Variants in CNTNAP2 observed in about 807,000 individuals in gnomAD.
CNTNAP2 encodes contactin associated protein 2, also known as contactin-associated protein-like 2.
A neutral mutation model predicts 155.2 loss-of-function variants in CNTNAP2; 98 were observed. That is an observed-to-expected ratio of 0.63 (90% CI 0.54 to 0.75). CNTNAP2 has a LOEUF of 0.75. Ranked by LOEUF, CNTNAP2 falls within the 30% of genes least tolerant of loss-of-function variation. The pLI, the probability that CNTNAP2 is intolerant of heterozygous loss-of-function variation, is 0.00. For synonymous variants in CNTNAP2, 651 were observed against 631.2 expected (o/e 1.03, Z -0.47); for missense variants, 1,727 against 1,688.1 (o/e 1.02, Z -0.40).
Position 146,194,486 on chromosome 7 carries a change from A to G in CNTNAP2, c.97+77513A>G, listed in dbSNP as rs183896023. 5.8e-3 allele frequency among the ~76,000 whole-genome samples: 878 copies of G among 152,228 alleles called. 7 individuals carry two copies. Among genetic ancestry groups the G allele is most frequent in the South Asian group, 0.013 (64 of 4,818 alleles). ...GTCACTATCATGAAAATAGCATGGG[A>G]AAGACCTATCCCCGTGAGTCAATTA... is the stretch of plus-strand genomic sequence containing the variant. On this transcript the variant is annotated intron_variant, in intron 1 of 23. Transcript: ENST00000361727.
chr7:147,445,601 T>C (rs1797720977), intron 10 of CNTNAP2, among the ~76,000 whole-genome samples: 1 of 152,210 alleles, frequency 6.6e-6, no homozygotes, highest in African/African-American at 2.4e-5. Flanking sequence ...ATGTTAGTTG[T>C]CATTCTTAGT....
At chr7:146,583,343 A>T (rs1798640961) in intron 1 of CNTNAP2, among the ~76,000 whole-genome samples, 1 of 152,128 alleles carries the variant, frequency 6.6e-6, no homozygotes. Flanking sequence ...TGTTGGAAAC[A>T]CCACTTGAAT....
At chr7:147,317,285 A>T (rs1795248917) in intron 9 of CNTNAP2, among the ~76,000 whole-genome samples, 1 of 152,138 alleles carries the variant, frequency 6.6e-6, no homozygotes, top group Non-Finnish European at 1.5e-5. Context: ...TTGTCTTGCC[A>T]ATTTCCCCTA....
intron 12 of CNTNAP2, among the ~76,000 whole-genome samples, chr7:147,593,352 C>T (rs979580300): frequency 2.7e-5 from 4 of 150,288 alleles, no homozygotes; most frequent in Non-Finnish European, 4.4e-5. Flanking sequence ...CCAGATAAGC[C>T]AAGGAACTTG....
chr7:147,340,895 C>A (rs984511472), intron 9 of CNTNAP2, among the ~76,000 whole-genome samples: 2 of 152,024 alleles, frequency 1.3e-5, no homozygotes, highest in Admixed American at 6.6e-5. Context: ...TCCTGAGGTT[C>A]AGTTTCAATG....
intron 17 of CNTNAP2, among the ~76,000 whole-genome samples, chr7:148,154,936 CAA>C (rs113236445): frequency 3.1e-5 from 4 of 128,850 alleles, no homozygotes; most frequent in Non-Finnish European, 3.4e-5. Context: ...GACCACATCT[CAA>C]AAAAAAAAAA....
intron 1 of CNTNAP2, among the ~76,000 whole-genome samples, chr7:146,344,608 A>G (rs1185165206): frequency 6.6e-6 from 1 of 151,788 alleles, no homozygotes; most frequent in Non-Finnish European, 1.5e-5. Context: ...CCTCCCAAAT[A>G]GCTGGGACTA....
At chr7:146,493,983 T>C (rs1239381668) in intron 1 of CNTNAP2, among the ~76,000 whole-genome samples, 1 of 152,138 alleles carries the variant, frequency 6.6e-6, no homozygotes, top group Non-Finnish European at 1.5e-5. Context: ...AGTTCATCCA[T>C]GTAACCAAAA....
At chr7:146,160,449 G>C (rs1365641443) in intron 1 of CNTNAP2, among the ~76,000 whole-genome samples, 1 of 152,128 alleles carries the variant, frequency 6.6e-6, no homozygotes, top group African/African-American at 2.4e-5. Context: ...CTGCTAGCAA[G>C]ACTGCTAGCA....
At position 146,796,075 on chromosome 7, in the gene CNTNAP2, C is replaced by T. The variant is rs190004793; in HGVS notation, c.208+21694C>T. Among the ~76,000 whole-genome samples, 20 of 152,082 alleles carry T rather than the reference C, an allele frequency of 1.3e-4. No homozygotes were observed. The East Asian group carries it at 3.7e-3, about 28-fold the overall frequency. ...CAATGTCATTTCACTTACATAAAATCCAAAAACAGGTTAACAGTATATACT... is the reference window on the plus strand; with the variant it reads ...CAATGTCATTTCACTTACATAAAATTCAAAAACAGGTTAACAGTATATACT... On this transcript the variant is annotated intron_variant, in intron 2 of 23. Transcript: ENST00000361727.
At chr7:147,018,337 G>T (rs1020820547) in intron 3 of CNTNAP2, among the ~76,000 whole-genome samples, 2 of 151,970 alleles carry the variant, frequency 1.3e-5, no homozygotes, top group African/African-American at 4.8e-5. Context: ...CTAACTCCTT[G>T]TCCTATAATA....
intron 1 of CNTNAP2, among the ~76,000 whole-genome samples, chr7:146,239,597 T>C (rs1026171233): frequency 3.3e-5 from 5 of 152,340 alleles, no homozygotes; most frequent in African/African-American, 1.2e-4. Context: ...AGTGCTGTGT[T>C]ATCCTGTGTA....
At chr7:147,718,098 A>G (rs1796508931) in intron 13 of CNTNAP2, among the ~76,000 whole-genome samples, 2 of 152,126 alleles carry the variant, frequency 1.3e-5, no homozygotes, top group South Asian at 4.1e-4. Flanking sequence ...TATCTGATGT[A>G]TGAATGTTAA....
chr7:147,471,803 A>C (rs1798220142), intron 10 of CNTNAP2, among the ~76,000 whole-genome samples: 1 of 152,236 alleles, frequency 6.6e-6, no homozygotes, highest in South Asian at 2.1e-4. Context: ...AATAAGACTG[A>C]CAATGAACCC....
At chr7:146,570,073 A>C (rs1368648358) in intron 1 of CNTNAP2, among the ~76,000 whole-genome samples, 1 of 152,138 alleles carries the variant, frequency 6.6e-6, no homozygotes, top group African/African-American at 2.4e-5. Flanking sequence ...TTTTTCTCTA[A>C]TTCATTCTGA....
At position 147,148,166 on chromosome 7, in the gene CNTNAP2, G is replaced by A. The variant is rs545571379; in HGVS notation, c.1348+15657G>A. Among the ~76,000 whole-genome samples, 744 of 151,930 alleles carry A rather than the reference G, an allele frequency of 4.9e-3. 11 individuals carry two copies. Among genetic ancestry groups the A allele is most frequent in the African/African-American group, 0.017 (711 of 41,456 alleles). On this transcript the variant is annotated intron_variant, in intron 8 of 23. Transcript: ENST00000361727. The stretch of plus-strand genomic sequence containing the variant: ...AGCACTTTGGGAGGCCGAGGCGGGC[G>A]GATCATGAGGTCAGGAGATCGAGAC...
chr7:148,396,475 A>G (rs776401474), intron 22 of CNTNAP2, among the ~76,000 whole-genome samples: 6 of 152,142 alleles, frequency 3.9e-5, no homozygotes, highest in Non-Finnish European at 7.4e-5. Context: ...TAAAAAGACA[A>G]TTGTCAGAAT....
At chr7:147,335,815 C>G (rs531681904) in intron 9 of CNTNAP2, among the ~76,000 whole-genome samples, 1 of 152,054 alleles carries the variant, frequency 6.6e-6, no homozygotes, top group East Asian at 1.9e-4. Flanking sequence ...CCTTATTATT[C>G]CCAACAGGCA....
chr7:147,482,517 G>A (rs1395388810), intron 10 of CNTNAP2, among the ~76,000 whole-genome samples: 1 of 151,778 alleles, frequency 6.6e-6, no homozygotes, highest in African/African-American at 2.4e-5. Context: ...AGGAGATCGA[G>A]ACCATGCTGG....
Sources: gnomAD v4.1 joint callset for allele counts (sites outside exome capture counted in the v4.1 genomes callset) on GRCh38, gnomAD v4.1.1 for gene constraint, MANE v1.5 for transcripts, NCBI Gene and HGNC (gene_info 2026-07-23, HGNC 2026-07-21) for gene names.